Variants in RBFOX1 observed in about 807,000 individuals in gnomAD.
RBFOX1 encodes RNA binding protein fox-1 homolog 1.
A neutral mutation model predicts 57.7 loss-of-function variants in RBFOX1; 8 were observed. The observed-to-expected ratio is 0.14, with a 90% CI of 0.08 to 0.25. The LOEUF is 0.25. Among genes scored for constraint, RBFOX1 ranks in the 10% least tolerant of loss-of-function variants. RBFOX1 has a pLI of 1.00. For synonymous variants in RBFOX1, 326 were observed against 222.4 expected (o/e 1.47, Z -4.15); for missense variants, 611 against 548.5 (o/e 1.11, Z -1.14).
At chr16:5,503,500 A>G (rs1428987769) in intron 2 of RBFOX1, among the ~76,000 whole-genome samples, 2 of 152,184 alleles carry the variant, frequency 1.3e-5, no homozygotes, top group Non-Finnish European at 2.9e-5. Context: ...GCAGTGGCGC[A>G]TGGCGCAATC....
At chr16:5,685,655 C>T (rs2050482328) in intron 3 of RBFOX1, among the ~76,000 whole-genome samples, 1 of 152,124 alleles carries the variant, frequency 6.6e-6, no homozygotes. Context: ...AAAAGGTGAG[C>T]TGTTGGCTCA....
At chr16:7,295,466 A>G (rs1376807785) in intron 4 of RBFOX1, among the ~76,000 whole-genome samples, 1 of 152,170 alleles carries the variant, frequency 6.6e-6, no homozygotes, top group Non-Finnish European at 1.5e-5. Flanking sequence ...AATGGGCACC[A>G]TTTTTATGAC....
chr16:7,485,377 G>T (rs12929155), intron 4 of RBFOX1, among the ~76,000 whole-genome samples: 2 of 152,226 alleles, frequency 1.3e-5, no homozygotes, highest in Non-Finnish European at 2.9e-5. Context: ...ATCCTCTGCA[G>T]TTTACCTTGT....
At chr16:5,618,002 A>G (rs1417496822) in intron 3 of RBFOX1, among the ~76,000 whole-genome samples, 2 of 152,238 alleles carry the variant, frequency 1.3e-5, no homozygotes, top group Non-Finnish European at 2.9e-5. Context: ...AATTTTAAAC[A>G]TTGAGGTATA....
chr16:6,718,365 TAAGG>T (rs768213711), intron 3 of RBFOX1, among the ~76,000 whole-genome samples: 1 of 152,124 alleles, frequency 6.6e-6, no homozygotes, highest in Non-Finnish European at 1.5e-5. Context: ...AGATAGATGA[TAAGG>T]AAGTAACTCT....
intron 4 of RBFOX1, among the ~76,000 whole-genome samples, chr16:7,181,410 G>T (rs183692756): frequency 1.3e-5 from 2 of 152,038 alleles, no homozygotes; most frequent in East Asian, 3.9e-4. Context: ...GTTAATTAGG[G>T]GTCCCTGAGA....
chr16:7,493,535 G>A (rs1373433962), intron 4 of RBFOX1, among the ~76,000 whole-genome samples: 15 of 152,212 alleles, frequency 9.9e-5, no homozygotes, highest in Admixed American at 9.8e-4. Flanking sequence ...GATGAGTCCA[G>A]TGTAATCACA....
At chr16:5,718,850 A>G (rs934809325) in intron 3 of RBFOX1, among the ~76,000 whole-genome samples, 43 of 152,130 alleles carry the variant, frequency 2.8e-4, no homozygotes, top group African/African-American at 1.0e-3. Context: ...CTGAGGTCGC[A>G]GTGAGTGGAG....
At chr16:6,313,962 A>G (rs932642905) in intron 1 of RBFOX1, among the ~76,000 whole-genome samples, 1 of 152,158 alleles carries the variant, frequency 6.6e-6, no homozygotes, top group East Asian at 1.9e-4. Flanking sequence ...GTTTTTATAA[A>G]ATAATCCCCC....
intron 1 of RBFOX1, among the ~76,000 whole-genome samples, chr16:5,422,788 G>GA (rs1596993923): frequency 7.3e-6 from 1 of 136,446 alleles, no homozygotes; most frequent in African/African-American, 2.8e-5. Context: ...AAGGGAGAGG[G>GA]AGTGGGAAGA....
intron 3 of RBFOX1, among the ~76,000 whole-genome samples, chr16:6,984,490 T>C (rs1253697299): frequency 6.6e-6 from 1 of 152,150 alleles, no homozygotes; most frequent in East Asian, 1.9e-4. Context: ...CAGGTTTTGT[T>C]ACTTGCAGCC....
At chr16:6,848,210 C>T (rs1567541219) in intron 3 of RBFOX1, among the ~76,000 whole-genome samples, 1 of 151,978 alleles carries the variant, frequency 6.6e-6, no homozygotes, top group East Asian at 1.9e-4. Context: ...CAAGTGGCGA[C>T]ACCATGGTGA....
At chr16:6,797,414 G>A (rs560505029) in intron 3 of RBFOX1, among the ~76,000 whole-genome samples, 1 of 152,104 alleles carries the variant, frequency 6.6e-6, no homozygotes, top group Non-Finnish European at 1.5e-5. Context: ...AAGGGGGAGA[G>A]AGATAGAGTT....
rs114540029 is a variant in RBFOX1 at position 6,558,410 on chromosome 16, C to G, written c.-63-96193C>G. Reference sequence around the variant, plus strand: ...AAAGAGGAGAAGAGTTTATCCTGAACTGTGCATTTTTTAGTTTTAGAAAAC... The same window carrying G: ...AAAGAGGAGAAGAGTTTATCCTGAAGTGTGCATTTTTTAGTTTTAGAAAAC... On this transcript the variant is annotated intron_variant, in intron 2 of 15. Transcript: ENST00000550418. 1.4e-3 allele frequency among the ~76,000 whole-genome samples: 206 copies of G among 152,268 alleles called. 2 individuals are homozygous for G. The highest frequency in any genetic ancestry group is 4.7e-3 in the African/African-American group (197 of 41,548).
At chr16:7,603,463 A>AT (rs1296911854) in intron 9 of RBFOX1, among the ~76,000 whole-genome samples, 2 of 152,218 alleles carry the variant, frequency 1.3e-5, no homozygotes, top group Non-Finnish European at 2.9e-5. Context: ...TCCAGATAGC[A>AT]TTAACGGCAA....
At chr16:6,427,618 G>C (rs983761924) in intron 2 of RBFOX1, among the ~76,000 whole-genome samples, 24 of 152,284 alleles carry the variant, frequency 1.6e-4, no homozygotes, top group African/African-American at 5.3e-4. Context: ...GGAGGACGTG[G>C]AGCTGCCAAG....
chr16:7,614,415 T>C (rs1176547724), intron 10 of RBFOX1: 1 of 150,584 alleles, frequency 6.6e-6, no homozygotes, highest in Non-Finnish European at 1.5e-5. Flanking sequence ...AATTTTTATC[T>C]GCGTCCTTCT....
At chr16:6,674,187 C>G (rs753669960) in intron 3 of RBFOX1, among the ~76,000 whole-genome samples, 3 of 152,156 alleles carry the variant, frequency 2.0e-5, no homozygotes, top group African/African-American at 4.8e-5. Context: ...GAAGTCCTAG[C>G]TTTTCCCACC....
At chr16:6,282,944 C>T (rs79988244) in intron 1 of RBFOX1, among the ~76,000 whole-genome samples, 225 of 152,282 alleles carry the variant, frequency 1.5e-3, no homozygotes, top group African/African-American at 5.2e-3. Context: ...TTAAGAGAAC[C>T]CTCACTTGAA....
Sources: gnomAD v4.1 joint callset for allele counts (sites outside exome capture counted in the v4.1 genomes callset) on GRCh38, gnomAD v4.1.1 for gene constraint, MANE v1.5 for transcripts, NCBI Gene and HGNC (gene_info 2026-07-23, HGNC 2026-07-21) for gene names.